LAD1: variants seen among roughly 807,000 people sequenced by gnomAD.
LAD1 encodes the protein ladinin 1, also known as ladinin-1.
Under a neutral mutation model 54.2 loss-of-function variants are expected in LAD1, and 53 were observed. That is an observed-to-expected ratio of 0.98 (90% CI 0.78 to 1.23). LAD1 has a LOEUF of 1.23. Ranked by LOEUF, LAD1 falls within the 50% of genes most tolerant of loss-of-function variation. The pLI is 0.00. For synonymous variants in LAD1, 231 were observed against 257.7 expected (o/e 0.90, Z 0.99); for missense variants, 637 against 653.3 (o/e 0.98, Z 0.27).
In LAD1 at chr1:201,382,655, G is replaced by A; in HGVS notation, c.1471C>T (p.Gln491Ter). The A allele has an allele frequency of 1.3e-6, 2 of 1,596,710 alleles. No homozygotes were observed. The highest frequency in any genetic ancestry group is 1.7e-6 in the Non-Finnish European group (2 of 1,171,174). The change falls in exon 8 of 10, where the codon CAG (glutamine) becomes TAG (stop). Residue 491 changes from glutamine to a stop codon, truncating the protein, a stop_gained and splice_region_variant. Coordinates refer to ENST00000391967, the MANE Select transcript of LAD1 (RefSeq NM_005558.4). LOFTEE classifies it high-confidence loss of function. ...GACATCAGGGAGGGTGAGGATACCT[G>A]GGGGTCCTGATCTCCAGATTCCTGG... ...RTQESGDQDP[Q>*]EAQKASSATE...
chr1:201,391,192 A>C (rs547368942), intron 1 of LAD1: 8 of 451,088 alleles, frequency 1.8e-5, no homozygotes, highest in Non-Finnish European at 3.5e-5. Context: ...GGAGCTCCAC[A>C]GATCTGGATG....
At chr1:201,382,627 A>AGGGTG in intron 8 of LAD1, 26 bp downstream of exon 8, 1 of 1,550,056 alleles carries the variant, frequency 6.5e-7, no homozygotes, top group Non-Finnish European at 8.8e-7. Context: ...CTCCACAGTA[A>AGGGTG]GAGACATCAG....
Position 201,381,687 on chromosome 1 carries a change from C to T in LAD1, c.*201G>A, listed in dbSNP as rs571133772. The T allele has an allele frequency of 1.5e-6, 1 of 661,654 alleles. No homozygotes were observed. The highest frequency in any genetic ancestry group is 2.8e-6 in the Non-Finnish European group (1 of 362,698). The allele number at this position is 661,654 out of a possible 1,614,324, so 41.0% of individuals were successfully genotyped here. On this transcript the variant is annotated 3_prime_UTR_variant, in exon 10 of 10. Coordinates refer to ENST00000391967, the MANE Select transcript of LAD1 (RefSeq NM_005558.4). Reference sequence around the variant, plus strand: ...TGCCTGCCGCAGGGTGAGAAAGTCCCAGCCCCAAGAGGCTGGGCTGGGAAG... The same window carrying T: ...TGCCTGCCGCAGGGTGAGAAAGTCCTAGCCCCAAGAGGCTGGGCTGGGAAG...
In LAD1 at chr1:201,383,488, T is replaced by C. The variant is rs1203596370; in HGVS notation, c.1176-99A>G. Reference sequence around the variant, plus strand: ...GGAGCAGCCCCATCACACGTTCTCATTGTGGCCAAGAGAATGTGGCCCTCC... The same window carrying C: ...GGAGCAGCCCCATCACACGTTCTCACTGTGGCCAAGAGAATGTGGCCCTCC... On this transcript the variant is annotated intron_variant, in intron 5 of 9. Transcript: ENST00000391967. 5.3e-6 allele frequency: 6 copies of C among 1,142,572 alleles called. No individual in the cohort carries two copies. In the East Asian group the frequency reaches 1.2e-4, roughly 22 times the overall value. The allele number at this position is 1,142,572 out of a possible 1,614,324, so 70.8% of individuals were successfully genotyped here. A position where few individuals can be genotyped will look rare whatever the true frequency, so the allele number is the denominator to read the frequency against.
intron 1 of LAD1, among the ~76,000 whole-genome samples, chr1:201,396,949 C>T (rs1204760125): frequency 2.0e-5 from 3 of 152,172 alleles, no homozygotes; most frequent in Non-Finnish European, 2.9e-5. Flanking sequence ...CCACCCCTCA[C>T]CCCCTGCAGA....
chr1:201,391,041 T>C (rs1203944857), intron 1 of LAD1: 1 of 451,338 alleles, frequency 2.2e-6, no homozygotes, highest in Non-Finnish European at 4.4e-6. Flanking sequence ...ATTTCTTAGC[T>C]TTTGGGAAGG....
intron 9 of LAD1, 78 bp from the exon 10 acceptor site, chr1:201,381,971 G>C (rs375548025): frequency 5.4e-6 from 8 of 1,474,532 alleles, no homozygotes; most frequent in Non-Finnish European, 6.6e-6. Context: ...GGATAGGAAG[G>C]CATCCCTTTG....
At chr1:201,391,897 T>C (rs1418030978) in intron 1 of LAD1, among the ~76,000 whole-genome samples, 1 of 152,200 alleles carries the variant, frequency 6.6e-6, no homozygotes, top group East Asian at 1.9e-4. Flanking sequence ...TCCCCCTGCA[T>C]TGTCTGCAAA....
intron 1 of LAD1, among the ~76,000 whole-genome samples, chr1:201,396,009 T>C (rs1662281119): frequency 6.6e-6 from 1 of 150,710 alleles, no homozygotes; most frequent in African/African-American, 2.5e-5. Context: ...TGGTATTCCC[T>C]ACCCCAGGAC....
rs1662353825 is a variant in LAD1 at position 201,398,923 on chromosome 1, T to C, written c.38+346A>G. Among the ~76,000 whole-genome samples the C allele has an allele frequency of 2.0e-5, 3 of 152,274 alleles. No homozygotes were observed. The South Asian group carries it at 6.2e-4, about 32-fold the overall frequency. ...CAGTGAGAGAGGCTTCTCTCAGGAA[T>C]GAGGCTTGGAGGTTACTCCTGAACA... On this transcript the variant is annotated intron_variant, in intron 1 of 9. Transcript: ENST00000391967.
intron 1 of LAD1, among the ~76,000 whole-genome samples, chr1:201,395,646 T>C (rs560382248): frequency 3.9e-5 from 6 of 152,180 alleles, no homozygotes; most frequent in Non-Finnish European, 5.9e-5. Context: ...TAATCCCAGC[T>C]ACTCAGGAGA....
intron 3 of LAD1, among the ~76,000 whole-genome samples, 187 bp from the exon 4 acceptor site, chr1:201,385,992 C>T (rs963185324): frequency 6.6e-6 from 1 of 152,128 alleles, no homozygotes; most frequent in Non-Finnish European, 1.5e-5. Flanking sequence ...GGGGCCAGGG[C>T]ACCAGGCAGA....
intron 1 of LAD1, among the ~76,000 whole-genome samples, chr1:201,397,914 G>A (rs543850414): frequency 3.9e-5 from 6 of 152,294 alleles, no homozygotes; most frequent in Admixed American, 3.9e-4. Context: ...TGACCCACAT[G>A]CAAAGTCCAA....
rs767520153 is a variant in LAD1, at chr1:201,386,769, C to T, written c.592G>A (p.Asp198Asn). 6.2e-6 allele frequency: 10 copies of T among 1,614,188 alleles called. No homozygotes were observed. Among genetic ancestry groups the T allele is most frequent in the South Asian group, 5.5e-5 (5 of 91,080 alleles). ...ACCTTCTCAGAGATGGAGGTTTTAT[C>T]GGAGACCAGGCTCTTTTCAGGTGCC... ...KTAPEKSLVS[D>N]KTSISEKVLA... The change falls in exon 3 of 10, where the codon GAT (aspartate) becomes AAT (asparagine). Residue 198 changes from aspartate (D) to asparagine (N), a missense_variant. Coordinates refer to ENST00000391967, the MANE Select transcript of LAD1 (RefSeq NM_005558.4).
intron 2 of LAD1, 62 bp downstream of exon 2, chr1:201,389,098 T>G (rs1377608247): frequency 2.6e-6 from 4 of 1,567,764 alleles, no homozygotes; most frequent in Non-Finnish European, 2.6e-6. Flanking sequence ...CTGAATATGC[T>G]GCACTTAGTC....
At chr1:201,397,885 CAT>C (rs1176785559) in intron 1 of LAD1, among the ~76,000 whole-genome samples, 9 of 152,210 alleles carry the variant, frequency 5.9e-5, no homozygotes, top group African/African-American at 2.2e-4. Flanking sequence ...GACACTCCCA[CAT>C]CAACCCCCAG....
Position 201,382,872 on chromosome 1 carries a change from A to G in LAD1, c.1387-133T>C. On this transcript the variant is annotated intron_variant, in intron 7 of 9. Coordinates refer to ENST00000391967, the MANE Select transcript of LAD1 (RefSeq NM_005558.4). ...AGCACATGCCACATATACCTGGGAC[A>G]GCCCCCTCCCCTTCCCCCAGGGAGC... 3 of 954,694 alleles carry G rather than the reference A, an allele frequency of 3.1e-6. No individual in the cohort carries two copies. In the South Asian group the frequency reaches 4.7e-5, roughly 15 times the overall value. The allele number at this position is 954,694 out of a possible 1,614,324, so 59.1% of individuals were successfully genotyped here. A position where few individuals can be genotyped will look rare whatever the true frequency, so the allele number is the denominator to read the frequency against.
At chr1:201,392,868 G>A (rs951687502) in intron 1 of LAD1, among the ~76,000 whole-genome samples, 2 of 152,152 alleles carry the variant, frequency 1.3e-5, no homozygotes, top group Non-Finnish European at 2.9e-5. Flanking sequence ...TCCCATAGGC[G>A]AGAGCTAGAA....
intron 1 of LAD1, among the ~76,000 whole-genome samples, chr1:201,390,774 A>G (rs1309901645): frequency 1.3e-5 from 2 of 152,106 alleles, no homozygotes; most frequent in Admixed American, 6.5e-5. Context: ...GTTTCCTGAC[A>G]TTGCCAAATG....
Sources: gnomAD v4.1 joint callset for allele counts (sites outside exome capture counted in the v4.1 genomes callset) on GRCh38, gnomAD v4.1.1 for gene constraint, MANE v1.5 for transcripts, NCBI Gene and HGNC (gene_info 2026-07-23, HGNC 2026-07-21) for gene names.